SLC25A21: variants seen among roughly 807,000 people sequenced by gnomAD.
SLC25A21 encodes solute carrier family 25 member 21.
SLC25A21 carries 47 observed loss-of-function variants against 43.8 expected under a neutral mutation model. The observed-to-expected ratio is 1.07, with a 90% CI of 0.85 to 1.37. The LOEUF (loss-of-function observed/expected upper bound fraction) is 1.37, where lower values mean the gene tolerates loss of function less well. Ranked by LOEUF, SLC25A21 falls within the 40% of genes most tolerant of loss-of-function variation. SLC25A21 has a pLI of 0.00. For synonymous variants in SLC25A21, 131 were observed against 121.3 expected, an observed-to-expected ratio of 1.08 and a Z score of -0.52; for missense variants, 352 against 350.2, an observed-to-expected ratio of 1.00 and a Z score of -0.04.
intron 1 of SLC25A21, among the ~76,000 whole-genome samples, chr14:37,031,366 A>C (rs2138768536): frequency 6.6e-6 from 1 of 152,350 alleles, no homozygotes; most frequent in Middle Eastern, 3.4e-3. Flanking sequence ...AAAGCAGCAA[A>C]GTAAATCTTT....
At chr14:36,882,346 G>A (rs1439541042) in intron 1 of SLC25A21, among the ~76,000 whole-genome samples, 1 of 152,156 alleles carries the variant, frequency 6.6e-6, no homozygotes, top group African/African-American at 2.4e-5. Context: ...CCATGTCACT[G>A]CACTCTAGCC....
intron 7 of SLC25A21, among the ~76,000 whole-genome samples, chr14:36,703,195 C>T (rs1026895792): frequency 1.3e-5 from 2 of 152,142 alleles, no homozygotes; most frequent in African/African-American, 4.8e-5. Flanking sequence ...TGCTCTAATT[C>T]TATTGAGATT....
chr14:37,083,060 CCTAA>C (rs1715843946), intron 1 of SLC25A21, among the ~76,000 whole-genome samples: 1 of 152,176 alleles, frequency 6.6e-6, no homozygotes. Context: ...TTAAATCTAT[CCTAA>C]CTGACTTAAT....
rs1399902224 is a variant in SLC25A21, at chr14:37,128,546, G to GTGTGTA, written c.70+43734_70+43735insTACACA. Reference sequence around the variant, plus strand: ...TCTCTCTCTCTCTCTCTCTGTGTGTGTGTGTGTGTGTGTGTGTGTGTGTGT... The same window carrying GTGTGTA: ...TCTCTCTCTCTCTCTCTCTGTGTGTGTGTGTATGTGTGTGTGTGTGTGTGTGTGTGT... On this transcript the variant is annotated intron_variant, in intron 1 of 9. Coordinates refer to ENST00000331299, the MANE Select transcript of SLC25A21 (RefSeq NM_030631.4). Among the ~76,000 whole-genome samples the GTGTGTA allele has an allele frequency of 2.4e-3, 351 of 146,296 alleles. 4 individuals carry two copies. The East Asian group carries it at 0.029, about 12-fold the overall frequency.
At chr14:36,967,607 A>G (rs968548931) in intron 1 of SLC25A21, among the ~76,000 whole-genome samples, 1 of 152,220 alleles carries the variant, frequency 6.6e-6, no homozygotes, top group Non-Finnish European at 1.5e-5. Flanking sequence ...AGCACCTCAC[A>G]CTATTAGCCT....
At chr14:36,820,686 A>T (rs1888593531) in intron 2 of SLC25A21, among the ~76,000 whole-genome samples, 1 of 152,216 alleles carries the variant, frequency 6.6e-6, no homozygotes, top group Non-Finnish European at 1.5e-5. Flanking sequence ...GTTAGCCATA[A>T]GAGAGAATAG....
intron 1 of SLC25A21, among the ~76,000 whole-genome samples, chr14:37,134,436 T>C (rs1308859989): frequency 2.0e-5 from 3 of 152,150 alleles, no homozygotes; most frequent in African/African-American, 7.2e-5. Context: ...CTCAGTACTT[T>C]TTCCACTGTA....
chr14:37,022,287 A>G (rs1029643662), intron 1 of SLC25A21, among the ~76,000 whole-genome samples: 1 of 152,034 alleles, frequency 6.6e-6, no homozygotes, highest in Non-Finnish European at 1.5e-5. Flanking sequence ...ACAGACTTTC[A>G]TATTTCCATT....
Position 36,680,155 on chromosome 14 carries a change from A to T in SLC25A21, c.*503T>A, listed in dbSNP as rs553897448. Reference sequence around the variant, plus strand: ...AGGTCATTTTAGTGCACTTTAAAAAATTTTTCTTGTGCTCTTTAAATATTA... The same window carrying T: ...AGGTCATTTTAGTGCACTTTAAAAATTTTTTCTTGTGCTCTTTAAATATTA... On this transcript the variant is annotated 3_prime_UTR_variant, in exon 10 of 10. Coordinates refer to ENST00000331299, the MANE Select transcript of SLC25A21 (RefSeq NM_030631.4). 572 of 845,512 alleles carry T rather than the reference A, an allele frequency of 6.8e-4. 1 individual carries two copies. Among genetic ancestry groups the T allele is most frequent in the Non-Finnish European group, 5.9e-4 (413 of 703,272 alleles). The allele number at this position is 845,512 out of a possible 1,614,324, so 52.4% of individuals were successfully genotyped here.
At chr14:36,698,991 AG>A (rs780568652) in intron 7 of SLC25A21, among the ~76,000 whole-genome samples, 82 of 152,176 alleles carry the variant, frequency 5.4e-4, no homozygotes, top group South Asian at 1.0e-3. Flanking sequence ...CTTTTGGAGG[AG>A]TAGAAGCACT....
At chr14:36,773,220 G>C (rs1182140094) in intron 3 of SLC25A21, among the ~76,000 whole-genome samples, 1 of 152,114 alleles carries the variant, frequency 6.6e-6, no homozygotes, top group African/African-American at 2.4e-5. Context: ...CCACTGGGTG[G>C]CTAAACAACC....
chr14:37,148,267 T>C (rs1963702355), intron 1 of SLC25A21, among the ~76,000 whole-genome samples: 1 of 152,236 alleles, frequency 6.6e-6, no homozygotes, highest in African/African-American at 2.4e-5. Context: ...ATATAAATAA[T>C]GCAAAGTAAA....
intron 3 of SLC25A21, among the ~76,000 whole-genome samples, chr14:36,750,643 G>A (rs1052816197): frequency 6.6e-6 from 1 of 152,070 alleles, no homozygotes; most frequent in African/African-American, 2.4e-5. Flanking sequence ...GATTTGGTAG[G>A]TCTGAGGGGA....
intron 2 of SLC25A21, among the ~76,000 whole-genome samples, chr14:36,856,645 G>A (rs1289514851): frequency 6.6e-6 from 1 of 152,212 alleles, no homozygotes; most frequent in Non-Finnish European, 1.5e-5. Context: ...ACACATGTGT[G>A]AGTGATGTGT....
intron 1 of SLC25A21, among the ~76,000 whole-genome samples, chr14:37,126,139 T>C (rs939300336): frequency 2.0e-5 from 3 of 152,206 alleles, no homozygotes; most frequent in Admixed American, 6.5e-5. Flanking sequence ...CTTTCCTTCC[T>C]GCACATGTGC....
intron 1 of SLC25A21, among the ~76,000 whole-genome samples, chr14:37,119,563 G>T (rs1048007353): frequency 2.3e-4 from 10 of 44,124 alleles, no homozygotes; most frequent in Non-Finnish European, 1.2e-3. Context: ...TAAAAAAAAA[G>T]AAAAAAGAAA....
chr14:37,172,161 G>T (rs1037072281), intron 1 of SLC25A21, 120 bp downstream of exon 1: 12 of 1,054,960 alleles, frequency 1.1e-5, no homozygotes, highest in Non-Finnish European at 1.5e-5. Context: ...TGCTCCGGGA[G>T]CGCTGAATTT....
chr14:37,060,577 C>T lies in SLC25A21; in HGVS notation c.70+111704G>A, dbSNP rs1468043640. Among the ~76,000 whole-genome samples, 3 of 149,820 alleles carry T rather than the reference C, an allele frequency of 2.0e-5. No homozygotes were observed. In the East Asian group the frequency reaches 5.9e-4, roughly 29 times the overall value. On this transcript the variant is annotated intron_variant, in intron 1 of 9. Coordinates refer to ENST00000331299, the MANE Select transcript of SLC25A21 (RefSeq NM_030631.4). ...TTAATGTGAAATATTCCAATTTTTA[C>T]AACATTAGTTATTGATTCCATTAAA...
At chr14:36,910,019 G>C (rs1469868112) in intron 1 of SLC25A21, among the ~76,000 whole-genome samples, 2 of 152,186 alleles carry the variant, frequency 1.3e-5, no homozygotes, top group Non-Finnish European at 2.9e-5. Flanking sequence ...TTGTAATCAT[G>C]AAGTGTAAAG....
Sources: gnomAD v4.1 joint callset for allele counts (sites outside exome capture counted in the v4.1 genomes callset) on GRCh38, gnomAD v4.1.1 for gene constraint, MANE v1.5 for transcripts, NCBI Gene and HGNC (gene_info 2026-07-23, HGNC 2026-07-21) for gene names.